The following RBFOX1 variants were observed in gnomAD, a reference collection of about 807,000 sequenced individuals.
The protein encoded by RBFOX1 is RNA binding protein fox-1 homolog 1.
RBFOX1 carries 8 observed loss-of-function variants against 57.7 expected under a neutral mutation model. That is an observed-to-expected ratio of 0.14 (90% CI 0.08 to 0.25). RBFOX1 has a LOEUF of 0.25. Ranked by LOEUF, RBFOX1 falls within the 10% of genes least tolerant of loss-of-function variation. The pLI, the probability that RBFOX1 is intolerant of heterozygous loss-of-function variation, is 1.00. For missense variants in RBFOX1, 611 were observed against 548.5 expected (o/e 1.11, Z -1.14); for synonymous variants, 326 against 222.4 (o/e 1.47, Z -4.15).
At chr16:5,538,891 G>A (rs556801122) in intron 2 of RBFOX1, among the ~76,000 whole-genome samples, 75 of 152,152 alleles carry the variant, frequency 4.9e-4, no homozygotes, top group African/African-American at 1.4e-3. Context: ...CAGTGGCTCC[G>A]TTTTGATTCT....
chr16:7,225,920 A>ATATATATATATATATAT (rs71147674), intron 4 of RBFOX1, among the ~76,000 whole-genome samples: 3 of 140,952 alleles, frequency 2.1e-5, no homozygotes, highest in African/African-American at 5.4e-5. Context: ...ATATATATAT[A>ATATATATATATATATAT]AATGTGAATG....
intron 3 of RBFOX1, among the ~76,000 whole-genome samples, chr16:6,715,274 T>C (rs1454538221): frequency 6.6e-6 from 1 of 152,090 alleles, no homozygotes; most frequent in East Asian, 1.9e-4. Context: ...AAGTTTTTTT[T>C]TTTTCTTTTT....
At chr16:7,037,135 G>A (rs563707218) in intron 3 of RBFOX1, among the ~76,000 whole-genome samples, 2 of 151,088 alleles carry the variant, frequency 1.3e-5, no homozygotes, top group Admixed American at 6.6e-5. Flanking sequence ...AGGTCCTTAC[G>A]ACCTGTATCT....
chr16:7,506,560 C>G (rs1399028609), intron 4 of RBFOX1, among the ~76,000 whole-genome samples: 1 of 151,876 alleles, frequency 6.6e-6, no homozygotes, highest in African/African-American at 2.4e-5. Context: ...TCATCACCAT[C>G]ACCATTATTA....
chr16:7,356,970 G>C (rs2146334054), intron 4 of RBFOX1, among the ~76,000 whole-genome samples: 1 of 152,278 alleles, frequency 6.6e-6, no homozygotes, highest in Middle Eastern at 3.4e-3. Context: ...TCTGTTCTTT[G>C]TGTGAATGCT....
intron 2 of RBFOX1, among the ~76,000 whole-genome samples, chr16:6,394,617 A>C (rs535585588): frequency 6.6e-6 from 1 of 151,882 alleles, no homozygotes; most frequent in South Asian, 2.1e-4. Flanking sequence ...TCCTGGATAA[A>C]CAACTAGGTA....
chr16:5,554,278 A>G (rs536735294), intron 2 of RBFOX1, among the ~76,000 whole-genome samples: 1 of 152,068 alleles, frequency 6.6e-6, no homozygotes, highest in Non-Finnish European at 1.5e-5. Flanking sequence ...GCCTTTTTCT[A>G]TGTATTCTAT....
chr16:5,715,377 A>G (rs28438901), intron 3 of RBFOX1, among the ~76,000 whole-genome samples: 17,819 of 152,138 alleles, frequency 0.12, 3,478 homozygotes, highest in African/African-American at 0.41. Flanking sequence ...TATATTGTCC[A>G]CACTTACTCA....
intron 1 of RBFOX1, among the ~76,000 whole-genome samples, chr16:6,131,036 T>C (rs943938587): frequency 6.6e-6 from 1 of 152,152 alleles, no homozygotes; most frequent in Non-Finnish European, 1.5e-5. Context: ...ATAAAGAGCG[T>C]AAGAGGCCAG....
intron 2 of RBFOX1, among the ~76,000 whole-genome samples, chr16:6,642,006 G>T (rs962195551): frequency 1.3e-5 from 2 of 152,124 alleles, no homozygotes. Flanking sequence ...GATTATCCAG[G>T]AGGCTGACCA....
chr16:7,070,592 G>T (rs540841264), intron 4 of RBFOX1, among the ~76,000 whole-genome samples: 12 of 152,252 alleles, frequency 7.9e-5, no homozygotes, highest in African/African-American at 2.4e-4. Flanking sequence ...CTGAGTTTAC[G>T]TTTAAGTGGT....
intron 3 of RBFOX1, among the ~76,000 whole-genome samples, chr16:7,035,346 A>G (rs1038883445): frequency 2.6e-5 from 4 of 152,274 alleles, no homozygotes; most frequent in South Asian, 2.1e-4. Flanking sequence ...AAAGGGTTCC[A>G]CAGTTCCCTG....
At chr16:6,803,868 A>C (rs961949727) in intron 3 of RBFOX1, among the ~76,000 whole-genome samples, 16 of 152,180 alleles carry the variant, frequency 1.1e-4, no homozygotes, top group African/African-American at 3.9e-4. Flanking sequence ...ATAAAAAACC[A>C]TGCTGTAAGC....
At chr16:5,497,415 C>G (rs1393815869) in intron 2 of RBFOX1, among the ~76,000 whole-genome samples, 1 of 151,836 alleles carries the variant, frequency 6.6e-6, no homozygotes, top group Admixed American at 6.6e-5. Flanking sequence ...TGAGCCTTGA[C>G]TATGTGCTAT....
chr16:5,681,744 C>T (rs999254409), intron 3 of RBFOX1, among the ~76,000 whole-genome samples: 6 of 151,920 alleles, frequency 3.9e-5, no homozygotes, highest in South Asian at 2.1e-4. Context: ...ATGCAAAGAA[C>T]GAGAAGGGGA....
chr16:5,425,691 G>T, intron 1 of RBFOX1, among the ~76,000 whole-genome samples: 1 of 152,198 alleles, frequency 6.6e-6, no homozygotes. Flanking sequence ...TGGTGCAGGG[G>T]CAGGGGAGAG....
chr16:7,386,184 G>T (rs1170771753), intron 4 of RBFOX1, among the ~76,000 whole-genome samples: 1 of 152,046 alleles, frequency 6.6e-6, no homozygotes, highest in Non-Finnish European at 1.5e-5. Context: ...GTAGGGCAAA[G>T]CGGGTATCTG....
At chr16:5,336,299 G>C (rs1380874587) in intron 1 of RBFOX1, among the ~76,000 whole-genome samples, 1 of 152,110 alleles carries the variant, frequency 6.6e-6, no homozygotes, top group Admixed American at 6.5e-5. Flanking sequence ...TTTGCTTGTA[G>C]TGGTCAAGGG....
chr16:7,039,529 A>G (rs1214850585), intron 3 of RBFOX1, among the ~76,000 whole-genome samples: 1 of 152,098 alleles, frequency 6.6e-6, no homozygotes, highest in African/African-American at 2.4e-5. Context: ...TACTTTTTTA[A>G]TTGATTATTT....
Sources: gnomAD v4.1 joint callset for allele counts (sites outside exome capture counted in the v4.1 genomes callset) on GRCh38, gnomAD v4.1.1 for gene constraint, MANE v1.5 for transcripts, NCBI Gene and HGNC (gene_info 2026-07-23, HGNC 2026-07-21) for gene names.